The following CADPS variants were observed in gnomAD, a reference collection of about 807,000 sequenced individuals.
CADPS encodes the protein calcium-dependent secretion activator 1.
CADPS carries 57 observed loss-of-function variants against 167.3 expected under a neutral mutation model. The ratio of observed to expected loss-of-function variants is 0.34; its 90% CI spans 0.28 to 0.42. The LOEUF is 0.42. Among genes scored for constraint, CADPS ranks in the 20% least tolerant of loss-of-function variants. The pLI, the probability that CADPS is intolerant of heterozygous loss-of-function variation, is 1.00. For missense variants in CADPS, 1,414 were observed against 1,738.1 expected (o/e 0.81, Z 3.32); for synonymous variants, 676 against 635.3 (o/e 1.06, Z -0.96).
At chr3:62,573,558 C>T (rs2081693797) in intron 8 of CADPS, among the ~76,000 whole-genome samples, 1 of 152,198 alleles carries the variant, frequency 6.6e-6, no homozygotes, top group South Asian at 2.1e-4. Flanking sequence ...CTTGACTTGG[C>T]TTCTGCCCAT....
chr3:62,733,960 T>A (rs1435876509), intron 3 of CADPS, among the ~76,000 whole-genome samples: 1 of 152,218 alleles, frequency 6.6e-6, no homozygotes, highest in Admixed American at 6.5e-5. Flanking sequence ...ATTCCTGAGT[T>A]ACTTCTTTCA....
intron 4 of CADPS, among the ~76,000 whole-genome samples, chr3:62,658,331 CAG>C (rs923034366): frequency 6.6e-6 from 1 of 151,922 alleles, no homozygotes; most frequent in African/African-American, 2.4e-5. Flanking sequence ...GACTGATTAG[CAG>C]AGAGAGAGTT....
At chr3:62,816,098 T>C (rs2094597878) in intron 1 of CADPS, among the ~76,000 whole-genome samples, 1 of 152,166 alleles carries the variant, frequency 6.6e-6, no homozygotes, top group Non-Finnish European at 1.5e-5. Flanking sequence ...AACAGTTTCA[T>C]GATACTCTGA....
intron 1 of CADPS, among the ~76,000 whole-genome samples, chr3:62,792,140 T>C (rs992291873): frequency 3.3e-5 from 5 of 152,134 alleles, no homozygotes; most frequent in African/African-American, 1.2e-4. Context: ...TACGGACATA[T>C]TGTTCATTAT....
At chr3:62,509,309 AAAG>A (rs1561433445) in intron 17 of CADPS, among the ~76,000 whole-genome samples, 69,659 of 117,956 alleles carry the variant, frequency 0.59, 21,972 homozygotes, top group Middle Eastern at 0.75. Flanking sequence ...AAAAAAAAAG[AAAG>A]AAAGAAAGAA....
At chr3:62,589,960 C>A (rs533462492) in intron 7 of CADPS, among the ~76,000 whole-genome samples, 2 of 151,954 alleles carry the variant, frequency 1.3e-5, no homozygotes, top group African/African-American at 4.8e-5. Flanking sequence ...GAGGCCGAGG[C>A]GGGCGGATCA....
chr3:62,522,967 G>A (rs2071083227), intron 13 of CADPS, among the ~76,000 whole-genome samples: 1 of 152,160 alleles, frequency 6.6e-6, no homozygotes, highest in Non-Finnish European at 1.5e-5. Context: ...ATCTGACACG[G>A]CGGGCATCTC....
chr3:62,841,008 C>T (rs1235186281), intron 1 of CADPS, among the ~76,000 whole-genome samples: 1 of 152,138 alleles, frequency 6.6e-6, no homozygotes, highest in Non-Finnish European at 1.5e-5. Flanking sequence ...TTCTTGTATT[C>T]ATTCATCTAA....
At chr3:62,698,078 T>C (rs538512673) in intron 3 of CADPS, among the ~76,000 whole-genome samples, 9 of 152,174 alleles carry the variant, frequency 5.9e-5, no homozygotes, top group African/African-American at 2.2e-4. Context: ...TCCTTTTACT[T>C]AAATATTTTG....
rs139414070 is a variant in CADPS at position 62,463,093 on chromosome 3, T to C, written c.3636+2274A>G. 2.5e-3 allele frequency among the ~76,000 whole-genome samples: 387 copies of C among 152,278 alleles called. 1 individual carries two copies. Among genetic ancestry groups the C allele is most frequent in the Non-Finnish European group, 4.3e-3 (294 of 68,020 alleles). ...AGGCATGCTGTGAGGCTGCAAAATG[T>C]CTCTGAAAAGGGAGATGAGAGGATG... On this transcript the variant is annotated intron_variant, in intron 26 of 29. Transcript: ENST00000383710.
At chr3:62,683,542 T>C (rs2077481903) in intron 3 of CADPS, among the ~76,000 whole-genome samples, 1 of 152,110 alleles carries the variant, frequency 6.6e-6, no homozygotes, top group Admixed American at 6.6e-5. Context: ...CCAGCAACCC[T>C]TCTTGTTAAC....
chr3:62,615,649 G>T (rs1240380541), intron 6 of CADPS, among the ~76,000 whole-genome samples: 1 of 152,098 alleles, frequency 6.6e-6, no homozygotes, highest in Admixed American at 6.6e-5. Flanking sequence ...GGCTAACAGT[G>T]ACTGTCTCAC....
intron 1 of CADPS, among the ~76,000 whole-genome samples, chr3:62,861,999 C>G (rs556433182): frequency 4.1e-4 from 62 of 151,966 alleles, no homozygotes; most frequent in African/African-American, 1.4e-3. Context: ...TGGCCAAAGG[C>G]TATTTCATTC....
intron 1 of CADPS, among the ~76,000 whole-genome samples, chr3:62,797,153 T>G (rs1272237356): frequency 1.3e-5 from 2 of 152,106 alleles, no homozygotes. Context: ...TGAGTTACTG[T>G]ATGGTTTTTG....
At chr3:62,425,816 C>G (rs1161583359) in intron 28 of CADPS, among the ~76,000 whole-genome samples, 4 of 152,106 alleles carry the variant, frequency 2.6e-5, no homozygotes, top group African/African-American at 7.2e-5. Context: ...AGGGACACTC[C>G]CAAAGGAAGC....
chr3:62,745,648 A>G (rs526005), intron 3 of CADPS, among the ~76,000 whole-genome samples: 74,839 of 152,072 alleles, frequency 0.49, 20,234 homozygotes, highest in African/African-American at 0.71. Flanking sequence ...GTACCAGCAG[A>G]TGAATTCAGG....
At chr3:62,434,067 C>T (rs563387187) in intron 28 of CADPS, among the ~76,000 whole-genome samples, 1 of 152,282 alleles carries the variant, frequency 6.6e-6, no homozygotes, top group South Asian at 2.1e-4. Flanking sequence ...TTCAAGAAGG[C>T]TAAGCTTCCA....
At chr3:62,648,109 T>C (rs948283049) in intron 5 of CADPS, among the ~76,000 whole-genome samples, 3 of 152,172 alleles carry the variant, frequency 2.0e-5, no homozygotes, top group Admixed American at 6.5e-5. Flanking sequence ...TCTGCCCTGA[T>C]GAGATGACAA....
At chr3:62,512,101 T>G (rs577940728) in intron 17 of CADPS, among the ~76,000 whole-genome samples, 1 of 152,160 alleles carries the variant, frequency 6.6e-6, no homozygotes, top group Non-Finnish European at 1.5e-5. Context: ...GACAACCCTT[T>G]AGACTACAAA....
Sources: gnomAD v4.1 joint callset for allele counts (sites outside exome capture counted in the v4.1 genomes callset) on GRCh38, gnomAD v4.1.1 for gene constraint, MANE v1.5 for transcripts, NCBI Gene and HGNC (gene_info 2026-07-23, HGNC 2026-07-21) for gene names.